Variants in ADAMTS17 observed in about 807,000 individuals in gnomAD.
The protein encoded by ADAMTS17 is A disintegrin and metalloproteinase with thrombospondin motifs 17.
ADAMTS17 carries 113 observed loss-of-function variants against 141.5 expected under a neutral mutation model. The ratio of observed to expected loss-of-function variants is 0.80; its 90% confidence interval spans 0.69 to 0.93. The LOEUF is 0.93. ADAMTS17 is among the 40% of genes least tolerant of loss of function. The pLI, the probability that ADAMTS17 is intolerant of heterozygous loss-of-function variation, is 0.00. For synonymous variants in ADAMTS17, 768 were observed against 630.6 expected (o/e 1.22, Z -3.27); for missense variants, 1,659 against 1,517.9 (o/e 1.09, Z -1.54).
At chr15:100,011,111 T>C (rs1301144837) in intron 18 of ADAMTS17, among the ~76,000 whole-genome samples, 2 of 151,108 alleles carry the variant, frequency 1.3e-5, no homozygotes, top group Non-Finnish European at 2.9e-5. Flanking sequence ...CCTTAAATCC[T>C]GTATAAAAAA....
At chr15:100,117,572 G>T (rs2037216941) in intron 12 of ADAMTS17, among the ~76,000 whole-genome samples, 1 of 152,186 alleles carries the variant, frequency 6.6e-6, no homozygotes. Context: ...GCAGGTGTGA[G>T]ACCACACATG....
At chr15:100,323,108 T>G (rs1449773738) in intron 3 of ADAMTS17, among the ~76,000 whole-genome samples, 1 of 136,812 alleles carries the variant, frequency 7.3e-6, no homozygotes, top group African/African-American at 2.7e-5. Context: ...AAAAAAAGAA[T>G]TATAAATCAT....
At chr15:100,281,648 C>G (rs1276480279) in intron 3 of ADAMTS17, among the ~76,000 whole-genome samples, 1 of 152,196 alleles carries the variant, frequency 6.6e-6, no homozygotes. Flanking sequence ...ACTCCCACCA[C>G]AGCTGGGGAG....
intron 4 of ADAMTS17, among the ~76,000 whole-genome samples, chr15:100,270,878 C>G (rs1370371385): frequency 6.6e-6 from 1 of 151,366 alleles, no homozygotes; most frequent in East Asian, 1.9e-4. Flanking sequence ...TCTTGTAAAG[C>G]TGAAACTCTG....
chr15:100,158,517 A>G (rs2039541896), intron 8 of ADAMTS17, among the ~76,000 whole-genome samples: 1 of 152,160 alleles, frequency 6.6e-6, no homozygotes, highest in South Asian at 2.1e-4. Flanking sequence ...ATTGCGGACT[A>G]CAATTGCAAT....
At chr15:100,116,589 C>G (rs146777525) in intron 13 of ADAMTS17, among the ~76,000 whole-genome samples, 1 of 152,230 alleles carries the variant, frequency 6.6e-6, no homozygotes, top group Non-Finnish European at 1.5e-5. Context: ...ACAGCCTCCT[C>G]GCTACAAATG....
At chr15:100,041,808 AAG>A (rs1359280426) in intron 18 of ADAMTS17, among the ~76,000 whole-genome samples, 3 of 152,184 alleles carry the variant, frequency 2.0e-5, no homozygotes, top group East Asian at 3.8e-4. Flanking sequence ...TGCAGTTGGG[AAG>A]GCAAAGGAAA....
chr15:100,138,881 C>T (rs1159757074), intron 10 of ADAMTS17, among the ~76,000 whole-genome samples: 1 of 152,186 alleles, frequency 6.6e-6, no homozygotes, highest in African/African-American at 2.4e-5. Flanking sequence ...AAACTACTAA[C>T]TTGCCTTTTA....
intron 18 of ADAMTS17, among the ~76,000 whole-genome samples, chr15:100,020,316 C>G (rs539704037): frequency 1.3e-5 from 2 of 152,208 alleles, no homozygotes; most frequent in Non-Finnish European, 2.9e-5. Context: ...GGGAGGTGCT[C>G]AGCAGTCTGA....
chr15:100,321,318 T>C (rs1596519429), intron 3 of ADAMTS17, among the ~76,000 whole-genome samples: 1 of 152,112 alleles, frequency 6.6e-6, no homozygotes, highest in Non-Finnish European at 1.5e-5. Context: ...AGAAAAAGCA[T>C]GGTATAGTAA....
intron 21 of ADAMTS17, among the ~76,000 whole-genome samples, chr15:99,975,752 C>T (rs1246947806): frequency 6.6e-6 from 1 of 152,318 alleles, no homozygotes; most frequent in Non-Finnish European, 1.5e-5. Context: ...TCACATTCCT[C>T]ATGCACAGGA....
rs577788205 is a variant in ADAMTS17, at chr15:100,262,157, C to T, written c.873+195G>A. 3.1e-4 allele frequency among the ~76,000 whole-genome samples: 47 copies of T among 152,220 alleles called. No homozygotes were observed. The South Asian group carries it at 9.8e-3, about 32-fold the overall frequency. ...TGTGTGGGCTCACTGCTTAGGGTTC[C>T]CTGAGATTCTCAACAGCCCCCCCTC... On this transcript the variant is annotated intron_variant, in intron 5 of 21. Transcript: ENST00000268070.
chr15:100,212,753 G>A (rs943303346), intron 7 of ADAMTS17, among the ~76,000 whole-genome samples: 4 of 140,520 alleles, frequency 2.8e-5, no homozygotes, highest in South Asian at 2.2e-4. Flanking sequence ...TCAACTAACC[G>A]ACACATAGAA....
At chr15:100,212,911 T>G (rs2041855424) in intron 7 of ADAMTS17, among the ~76,000 whole-genome samples, 1 of 152,132 alleles carries the variant, frequency 6.6e-6, no homozygotes, top group African/African-American at 2.4e-5. Flanking sequence ...CGTACCTTTT[T>G]GTCAATCAGG....
At chr15:100,082,759 CGTTA>C (rs2034833593) in intron 15 of ADAMTS17, among the ~76,000 whole-genome samples, 3 of 121,974 alleles carry the variant, frequency 2.5e-5, no homozygotes, top group Admixed American at 2.0e-4. Flanking sequence ...TACTTTTTCT[CGTTA>C]GTCTTTTTTT....
At chr15:100,169,038 G>A (rs185768289) in intron 8 of ADAMTS17, among the ~76,000 whole-genome samples, 191 of 152,294 alleles carry the variant, frequency 1.3e-3, no homozygotes, top group African/African-American at 4.4e-3. Flanking sequence ...TAAAACTGAC[G>A]GTGTATCACC....
intron 3 of ADAMTS17, among the ~76,000 whole-genome samples, chr15:100,290,060 G>C (rs550434964): frequency 4.6e-5 from 7 of 152,188 alleles, no homozygotes; most frequent in African/African-American, 1.4e-4. Context: ...TACAGGAAGA[G>C]AGTAAGTCAA....
intron 10 of ADAMTS17, among the ~76,000 whole-genome samples, chr15:100,146,211 A>G (rs1420254157): frequency 6.6e-6 from 1 of 152,210 alleles, no homozygotes. Flanking sequence ...TATATAGTAT[A>G]AAAACCGTAT....
chr15:100,253,215 C>G (rs1387786320), intron 7 of ADAMTS17, among the ~76,000 whole-genome samples: 3 of 151,058 alleles, frequency 2.0e-5, no homozygotes, highest in African/African-American at 7.3e-5. Flanking sequence ...CTGGAAACAC[C>G]CTTGGCATTG....
Sources: gnomAD v4.1 joint callset for allele counts (sites outside exome capture counted in the v4.1 genomes callset) on GRCh38, gnomAD v4.1.1 for gene constraint, MANE v1.5 for transcripts, NCBI Gene and HGNC (gene_info 2026-07-23, HGNC 2026-07-21) for gene names.